CYTIP: variants seen among roughly 807,000 people sequenced by gnomAD.
CYTIP encodes cytohesin-interacting protein.
Under a neutral mutation model 43.8 loss-of-function variants are expected in CYTIP, and 26 were observed. That is an observed-to-expected ratio of 0.59 (90% CI 0.44 to 0.82). The LOEUF is 0.82. CYTIP is among the 40% of genes least tolerant of loss of function. The pLI, the probability that CYTIP is intolerant of heterozygous loss-of-function variation, is 0.00. For synonymous variants in CYTIP, 162 were observed against 162.9 expected (o/e 0.99, Z 0.04); for missense variants, 426 against 443.1 (o/e 0.96, Z 0.35).
At chr2:157,430,482 G>T in intron 5 of CYTIP, 77 bp downstream of exon 5, 1 of 1,237,422 alleles carries the variant, frequency 8.1e-7, no homozygotes, top group Non-Finnish European at 1.2e-6. Context: ...TGAACAAAAG[G>T]CCTATTTATT....
chr2:157,416,281 G>T, intron 7 of CYTIP, 138 bp from the exon 8 acceptor site: 2 of 702,470 alleles, frequency 2.8e-6, no homozygotes, highest in Non-Finnish European at 4.6e-6. Flanking sequence ...TGGCGTGCTT[G>T]AATAAGTAAC....
Position 157,418,322 on chromosome 2 carries a change from C to T in CYTIP, c.613+201G>A, listed in dbSNP as rs191092975. Among the ~76,000 whole-genome samples the T allele has an allele frequency of 3.3e-3, 505 of 152,274 alleles. 2 individuals carry two copies. Among genetic ancestry groups the T allele is most frequent in the African/African-American group, 0.011 (464 of 41,538 alleles). ...GTGCATGTGCATCTGCGTCATGATA[C>T]GCAGTAGTGGATCTGACTTGCCTTA... On this transcript the variant is annotated intron_variant, in intron 7 of 7. Transcript: ENST00000264192.
chr2:157,434,399 C>T lies in CYTIP; in HGVS notation c.250G>A (p.Asp84Asn). 5 of 1,613,040 alleles carry T rather than the reference C, an allele frequency of 3.1e-6. No individual in the cohort carries two copies. The highest frequency in any genetic ancestry group is 4.2e-6 in the Non-Finnish European group (5 of 1,179,462). Reference sequence around the variant, plus strand: ...ATTTCAAATCCAAATGTTTCATTATCCTGCTTCTCCACAGTAACAAGCTTT... The same window carrying T: ...ATTTCAAATCCAAATGTTTCATTATTCTGCTTCTCCACAGTAACAAGCTTT... ...QRKLVTVEKQ[D>N]NETFGFEIQS... The change falls in exon 3 of 8, where the codon GAT becomes AAT. Residue 84 changes from aspartate to asparagine, a missense_variant. Asp to Asn is a conservative substitution (Grantham distance 23). Coordinates refer to ENST00000264192, the MANE Select transcript of CYTIP (RefSeq NM_004288.5).
chr2:157,441,232 C>A (rs1160224294), intron 1 of CYTIP, among the ~76,000 whole-genome samples: 1 of 152,122 alleles, frequency 6.6e-6, no homozygotes, highest in East Asian at 1.9e-4. Flanking sequence ...CATGTGATTG[C>A]CTCACAAGGA....
Position 157,433,595 on chromosome 2 carries a change from G to GA in CYTIP, c.279+774dup, listed in dbSNP as rs147667338. On this transcript the variant is annotated intron_variant, in intron 3 of 7. Coordinates refer to ENST00000264192, the MANE Select transcript of CYTIP (RefSeq NM_004288.5). ...CCAAAAGACATGCAAACGTACTATG[G>GA]AAAAAAAAAACAGAAATGCTTAAGC... Among the ~76,000 whole-genome samples, 518 of 146,214 alleles carry GA rather than the reference G, an allele frequency of 3.5e-3. 5 individuals are homozygous for GA. The highest frequency in any genetic ancestry group is 0.01 in the African/African-American group (414 of 40,074).
Position 157,443,869 on chromosome 2 carries a change from G to C in CYTIP, c.152C>G (p.Thr51Ser). ...RIQMLADTVA[T>S]LPRGRKQLAL... ...TACCTGCTTTCGTCCCCGAGGCAGAGTAGCCACCGTGTCTGCTAGCATTTG... is the reference window on the plus strand; with the variant it reads ...TACCTGCTTTCGTCCCCGAGGCAGACTAGCCACCGTGTCTGCTAGCATTTG... The change falls in exon 1 of 8, where the codon ACT becomes AGT. Residue 51 changes from threonine to serine, a missense_variant. Transcript: ENST00000264192. 1 of 1,614,140 alleles carries C rather than the reference G, an allele frequency of 6.2e-7. No individual in the cohort carries two copies. The highest frequency in any genetic ancestry group is 8.5e-7 in the Non-Finnish European group (1 of 1,179,968).
At chr2:157,424,673 G>T (rs774329918) in intron 6 of CYTIP, among the ~76,000 whole-genome samples, 3 of 152,098 alleles carry the variant, frequency 2.0e-5, no homozygotes, top group Non-Finnish European at 4.4e-5. Context: ...AAGGGCAATA[G>T]AGTGAGACCC....
intron 6 of CYTIP, 55 bp downstream of exon 6, chr2:157,427,296 A>G: frequency 1.4e-6 from 2 of 1,405,678 alleles, no homozygotes; most frequent in Non-Finnish European, 2.0e-6. Flanking sequence ...TCTTTATTTT[A>G]CCACTCACAC....
chr2:157,443,959 C>T lies in CYTIP; in HGVS notation c.62G>A (p.Gly21Glu), dbSNP rs773448120. 4.3e-6 allele frequency: 7 copies of T among 1,613,978 alleles called. No homozygotes were observed. The highest frequency in any genetic ancestry group is 1.7e-5 in the Admixed American group (1 of 59,992). ...SNGNLADFCA[G>E]PAYSSYSTLT... ...TGTGGAGTAAGAGCTATACGCTGGCCCAGCGCAGAAGTCCGCCAAATTGCC... is the reference window on the plus strand; with the variant it reads ...TGTGGAGTAAGAGCTATACGCTGGCTCAGCGCAGAAGTCCGCCAAATTGCC... Residue 21 changes from glycine (G) to glutamate (E), a missense_variant, in exon 1 of 8, where the codon GGG becomes GAG. Coordinates refer to ENST00000264192, the MANE Select transcript of CYTIP (RefSeq NM_004288.5).
chr2:157,421,682 T>A (rs1424741570), intron 6 of CYTIP, among the ~76,000 whole-genome samples: 1 of 152,184 alleles, frequency 6.6e-6, no homozygotes, highest in African/African-American at 2.4e-5. Context: ...GACCACTGTT[T>A]CTAAAGAAGA....
intron 1 of CYTIP, chr2:157,438,914 T>A (rs1402741278): frequency 9.6e-6 from 4 of 417,126 alleles, no homozygotes; most frequent in Admixed American, 5.2e-5. Flanking sequence ...AGTGCATCTA[T>A]TAGGAACTTC....
intron 3 of CYTIP, among the ~76,000 whole-genome samples, chr2:157,432,410 C>T (rs1685727038): frequency 6.6e-6 from 1 of 152,176 alleles, no homozygotes; most frequent in South Asian, 2.1e-4. Context: ...CAATGATCAC[C>T]TGCATTTCTT....
chr2:157,422,099 C>T (rs1193162163), intron 6 of CYTIP, among the ~76,000 whole-genome samples: 1 of 152,118 alleles, frequency 6.6e-6, no homozygotes, highest in Non-Finnish European at 1.5e-5. Flanking sequence ...TGTTGAAAGG[C>T]AGGAATACCT....
chr2:157,416,500 C>A (rs377403821), intron 7 of CYTIP, among the ~76,000 whole-genome samples: 5 of 152,138 alleles, frequency 3.3e-5, no homozygotes, highest in Admixed American at 2.6e-4. Flanking sequence ...AACCCTGAAA[C>A]CTTTTATTAA....
rs1327922764 is a variant in CYTIP at position 157,434,835 on chromosome 2, T to TCC, written c.175-89_175-88insGG. 1.6e-3 allele frequency: 738 copies of TCC among 474,324 alleles called. 8 individuals are homozygous for TCC. In the African/African-American group the frequency reaches 0.017, roughly 11 times the overall value. The allele number at this position is 474,324 out of a possible 1,614,324, so 29.4% of individuals were successfully genotyped here. ...AAATCTCTCTCTCTCTCTCTCTCTC[T>TCC]CTCTCTCTCTCTCTCACACACACAC... On this transcript the variant is annotated intron_variant, in intron 1 of 7. Transcript: ENST00000264192.
intron 1 of CYTIP, among the ~76,000 whole-genome samples, chr2:157,443,349 A>T (rs1039937143): frequency 2.0e-5 from 3 of 152,166 alleles, no homozygotes; most frequent in Non-Finnish European, 4.4e-5. Context: ...AAAAAAAAAA[A>T]ATCTTACTTT....
At chr2:157,425,826 C>A (rs1347873925) in intron 6 of CYTIP, among the ~76,000 whole-genome samples, 1 of 151,378 alleles carries the variant, frequency 6.6e-6, no homozygotes, top group African/African-American at 2.4e-5. Context: ...CACTGTTTAC[C>A]CCTCATAAAA....
At chr2:157,421,855 A>G (rs1323739524) in intron 6 of CYTIP, among the ~76,000 whole-genome samples, 1 of 152,218 alleles carries the variant, frequency 6.6e-6, no homozygotes, top group Non-Finnish European at 1.5e-5. Flanking sequence ...TAATTTCAAG[A>G]TTAGAAACAG....
At chr2:157,431,278 A>G (rs1685711313) in intron 3 of CYTIP, among the ~76,000 whole-genome samples, 1 of 152,210 alleles carries the variant, frequency 6.6e-6, no homozygotes, top group African/African-American at 2.4e-5. Context: ...TCATTTCCCA[A>G]TGGGATAAAA....
Sources: gnomAD v4.1 joint callset for allele counts (sites outside exome capture counted in the v4.1 genomes callset) on GRCh38, gnomAD v4.1.1 for gene constraint, MANE v1.5 for transcripts, NCBI Gene and HGNC (gene_info 2026-07-23, HGNC 2026-07-21) for gene names.